Variants in MYO9A observed in about 807,000 individuals in gnomAD.
MYO9A encodes the protein myosin IXA, also known as unconventional myosin-IXa.
A neutral mutation model predicts 293.3 loss-of-function variants in MYO9A; 103 were observed. That is an observed-to-expected ratio of 0.35 (90% CI 0.30 to 0.41). The LOEUF is 0.41. Ranked by LOEUF, MYO9A falls within the 10% of genes least tolerant of loss-of-function variation. The pLI is 1.00. For synonymous variants in MYO9A, 1,001 were observed against 1,035.7 expected (o/e 0.97, Z 0.64); for missense variants, 2,685 against 3,033.0 (o/e 0.89, Z 2.69).
At chr15:72,086,324 C>A (rs190760720) in intron 1 of MYO9A, among the ~76,000 whole-genome samples, 30 of 151,836 alleles carry the variant, frequency 2.0e-4, no homozygotes, top group African/African-American at 6.8e-4. Context: ...TGTGCACCCT[C>A]TGTGCACATT....
At chr15:72,021,360 T>A (rs1230130651) in intron 4 of MYO9A, among the ~76,000 whole-genome samples, 1 of 152,170 alleles carries the variant, frequency 6.6e-6, no homozygotes, top group Non-Finnish European at 1.5e-5. Context: ...AGAGAGTGTT[T>A]ACTCAATAAA....
chr15:72,057,193 C>T (rs1178075920), intron 1 of MYO9A, among the ~76,000 whole-genome samples: 12 of 151,126 alleles, frequency 7.9e-5, no homozygotes, highest in Non-Finnish European at 1.5e-4. Flanking sequence ...CGCTTGAACC[C>T]GGGAGGCGGA....
At chr15:72,018,984 C>G (rs368282994) in intron 6 of MYO9A, 55 bp downstream of exon 6, 1 of 1,380,108 alleles carries the variant, frequency 7.2e-7, no homozygotes, top group African/African-American at 1.4e-5. Flanking sequence ...GATGCAAATG[C>G]GCAATGTGAG....
At chr15:71,857,583 AAC>A in intron 34 of MYO9A, among the ~76,000 whole-genome samples, 1 of 152,298 alleles carries the variant, frequency 6.6e-6, no homozygotes, top group Middle Eastern at 3.4e-3. Flanking sequence ...TAAATGGAAA[AAC>A]AGAGTATGTG....
intron 32 of MYO9A, among the ~76,000 whole-genome samples, chr15:71,864,635 A>C (rs1406253556): frequency 6.6e-6 from 1 of 152,256 alleles, no homozygotes; most frequent in Non-Finnish European, 1.5e-5. Flanking sequence ...CATGCAATGG[A>C]ATTCTATTTA....
At chr15:71,935,582 T>C (rs2145881872) in intron 16 of MYO9A, 98 bp from the exon 17 acceptor site, 4 of 1,249,312 alleles carry the variant, frequency 3.2e-6, no homozygotes, top group Admixed American at 2.8e-5. Context: ...AGTTAAAATT[T>C]AGAAAAAAAT....
At chr15:71,928,701 A>T (rs2058394141) in intron 18 of MYO9A, among the ~76,000 whole-genome samples, 1 of 151,922 alleles carries the variant, frequency 6.6e-6, no homozygotes, top group Non-Finnish European at 1.5e-5. Flanking sequence ...TTTTGATGCT[A>T]TTGTAAATGG....
intron 12 of MYO9A, among the ~76,000 whole-genome samples, chr15:71,971,820 T>C (rs1276193891): frequency 1.3e-5 from 2 of 151,058 alleles, no homozygotes; most frequent in African/African-American, 2.4e-5. Context: ...TTTATATATA[T>C]AGGTTTTCAT....
At chr15:71,877,540 C>T (rs950038040) in intron 31 of MYO9A, among the ~76,000 whole-genome samples, 1 of 152,126 alleles carries the variant, frequency 6.6e-6, no homozygotes, top group Non-Finnish European at 1.5e-5. Context: ...TAACTACAAC[C>T]TCTGCCTCCT....
At chr15:72,085,120 C>T (rs1596538087) in intron 1 of MYO9A, among the ~76,000 whole-genome samples, 1 of 152,126 alleles carries the variant, frequency 6.6e-6, no homozygotes, top group Non-Finnish European at 1.5e-5. Flanking sequence ...GCTGGCCGGG[C>T]GTGGTGGCTC....
intron 9 of MYO9A, among the ~76,000 whole-genome samples, chr15:71,994,790 T>C (rs2076650171): frequency 6.6e-6 from 1 of 152,256 alleles, no homozygotes; most frequent in African/African-American, 2.4e-5. Flanking sequence ...TGGAATGCAA[T>C]GGTGCAATCT....
chr15:72,009,114 A>C (rs2077100881), intron 7 of MYO9A, among the ~76,000 whole-genome samples: 1 of 152,248 alleles, frequency 6.6e-6, no homozygotes, highest in South Asian at 2.1e-4. Flanking sequence ...TCTGGATTAA[A>C]GAATAAACTA....
rs575884545 is a variant in MYO9A at position 71,925,134 on chromosome 15, C to T, written c.2562+8536G>A. On this transcript the variant is annotated intron_variant, in intron 18 of 41. Coordinates refer to ENST00000356056, the MANE Select transcript of MYO9A (RefSeq NM_006901.4). ...TTGCTATCTCTCTCTCCCTTTAGGG[C>T]TAATAATATTTCCTTCACATATATA... Among the ~76,000 whole-genome samples the T allele has an allele frequency of 7.2e-5, 9 of 124,872 alleles. No individual in the cohort carries two copies. The South Asian group carries it at 1.9e-3, about 26-fold the overall frequency. 81.9% of individuals were successfully genotyped at this position (124,872 alleles called of 152,430 possible).
intron 1 of MYO9A, among the ~76,000 whole-genome samples, chr15:72,092,765 T>C (rs8039245): frequency 2.6e-5 from 4 of 152,166 alleles, no homozygotes; most frequent in East Asian, 1.9e-4. Context: ...ATGATTTTCA[T>C]GTCACAAATT....
chr15:71,993,725 T>C (rs2076609703), intron 10 of MYO9A: 1 of 152,166 alleles, frequency 6.6e-6, no homozygotes, highest in Admixed American at 6.6e-5. Context: ...ATCGCAGCAC[T>C]TTGGGAGACC....
At chr15:72,007,760 A>G in intron 8 of MYO9A, 66 bp downstream of exon 8, 6 of 1,521,634 alleles carry the variant, frequency 3.9e-6, no homozygotes, top group Non-Finnish European at 5.4e-6. Context: ...CACCTACAAA[A>G]TACACAAAAT....
chr15:72,045,575 T>A, intron 2 of MYO9A, 149 bp downstream of exon 2: 1 of 947,298 alleles, frequency 1.1e-6, no homozygotes, highest in East Asian at 2.7e-5. Context: ...CCTAAATGAG[T>A]TTTTGGAGCT....
intron 1 of MYO9A, among the ~76,000 whole-genome samples, chr15:72,090,637 T>C (rs78510609): frequency 0.011 from 1,686 of 152,292 alleles, 30 homozygotes; most frequent in African/African-American, 0.038. Flanking sequence ...ATAATCTCCA[T>C]TAACCATTTA....
Position 72,091,322 on chromosome 15 carries a change from C to T in MYO9A, c.-72+26358G>A, listed in dbSNP as rs113459993. ...CTTTTTCGTTTTTATTTCTTGATAT[C>T]CATATGGGGTGTTAGCTTTCTATAC... On this transcript the variant is annotated intron_variant, in intron 1 of 41. Transcript: ENST00000356056. Among the ~76,000 whole-genome samples the T allele has an allele frequency of 8.7e-3, 1,326 of 152,182 alleles. 25 individuals are homozygous for T. The highest frequency in any genetic ancestry group is 0.03 in the African/African-American group (1,264 of 41,510).
Sources: allele counts gnomAD v4.1 joint callset (sites outside exome capture counted in the v4.1 genomes callset), GRCh38; gene constraint gnomAD v4.1.1; transcripts MANE v1.5; gene names NCBI Gene and HGNC (gene_info 2026-07-23, HGNC 2026-07-21).